Variants in MDGA2 observed in about 807,000 individuals in gnomAD.
The protein encoded by MDGA2 is MAM domain-containing glycosylphosphatidylinositol anchor protein 2.
A neutral mutation model predicts 117.8 loss-of-function variants in MDGA2; 40 were observed. That is an observed-to-expected ratio of 0.34 (90% CI 0.26 to 0.44). The LOEUF (loss-of-function observed/expected upper bound fraction) is 0.44, where lower values mean the gene tolerates loss of function less well. Among genes scored for constraint, MDGA2 ranks in the 20% least tolerant of loss-of-function variants. The probability of loss-of-function intolerance (pLI) is 1.00; values close to 1 mark genes in which losing one functional copy is unlikely to be tolerated. For synonymous variants in MDGA2, 452 were observed against 439.0 expected, an observed-to-expected ratio of 1.03 and a Z score of -0.37; for missense variants, 1,123 against 1,250.6, an observed-to-expected ratio of 0.90 and a Z score of 1.54.
Position 47,301,486 on chromosome 14 carries a change from G to A in MDGA2, c.345C>T (p.Ser115=), listed in dbSNP as rs1178767809. ...LACNIEEERY[S]ERVYTIREGE... is the part of the protein sequence containing the mutation. The stretch of plus-strand genomic sequence containing the variant: ...CTTCCCGGATAGTGTAGACCCTTTC[G>A]GAGTAGCGCTCCTCTTCAATGTTAC... The change falls in exon 2 of 17, where the codon TCC becomes TCT. Residue 115 remains serine, a synonymous_variant. Coordinates refer to ENST00000399232, the MANE Select transcript of MDGA2 (RefSeq NM_001113498.3). The A allele has an allele frequency of 1.2e-5, 19 of 1,551,566 alleles. No individual in the cohort carries two copies. Among genetic ancestry groups the A allele is most frequent in the Middle Eastern group, 1.7e-4 (1 of 6,012 alleles).
intron 3 of MDGA2, among the ~76,000 whole-genome samples, chr14:47,149,920 C>A (rs1483427146): frequency 6.6e-6 from 1 of 152,206 alleles, no homozygotes; most frequent in African/African-American, 2.4e-5. Flanking sequence ...ACTTCCCTAA[C>A]TCCTGGCTGA....
chr14:47,158,842 A>G (rs1266057800), intron 3 of MDGA2, among the ~76,000 whole-genome samples: 1 of 152,254 alleles, frequency 6.6e-6, no homozygotes, highest in Non-Finnish European at 1.5e-5. Flanking sequence ...ACATACAGAC[A>G]GTGGAATATT....
At chr14:47,517,722 C>T (rs1315629738) in intron 1 of MDGA2, among the ~76,000 whole-genome samples, 2 of 152,096 alleles carry the variant, frequency 1.3e-5, no homozygotes, top group Non-Finnish European at 2.9e-5. Context: ...AGTGAACTGA[C>T]ATTACTCAAA....
intron 10 of MDGA2, among the ~76,000 whole-genome samples, chr14:46,918,984 A>T (rs112980776): frequency 6.6e-6 from 1 of 151,750 alleles, no homozygotes; most frequent in Admixed American, 6.6e-5. Context: ...GGATGGTCTC[A>T]ATCTCCTGAC....
intron 1 of MDGA2, among the ~76,000 whole-genome samples, chr14:47,409,464 G>T (rs1173233037): frequency 6.6e-6 from 1 of 152,094 alleles, no homozygotes. Flanking sequence ...CATCACACTT[G>T]TCTGAAATCA....
rs529649731 is a variant in MDGA2, at chr14:47,237,595, C to T, written c.421-19400G>A. Among the ~76,000 whole-genome samples the T allele has an allele frequency of 1.5e-3, 221 of 152,200 alleles. 1 individual carries two copies. The highest frequency in any genetic ancestry group is 5.1e-3 in the African/African-American group (213 of 41,514). ...TATTAGAAATAAAATAATTGTTATA[C>T]GAATATATCTGTTCGTAGTGGATGT... On this transcript the variant is annotated intron_variant, in intron 2 of 16. Transcript: ENST00000399232.
At chr14:47,251,969 C>T (rs1887462726) in intron 2 of MDGA2, among the ~76,000 whole-genome samples, 1 of 148,948 alleles carries the variant, frequency 6.7e-6, no homozygotes, top group African/African-American at 2.5e-5. Flanking sequence ...TGGTGGTTTG[C>T]AGGAAAGGTG....
chr14:47,327,935 G>T (rs957478779), intron 1 of MDGA2, among the ~76,000 whole-genome samples: 2 of 152,170 alleles, frequency 1.3e-5, no homozygotes, highest in Non-Finnish European at 2.9e-5. Flanking sequence ...ATCTAAAAGT[G>T]TCTCACTCTC....
chr14:47,041,417 T>C (rs962677532), intron 7 of MDGA2, among the ~76,000 whole-genome samples: 1 of 152,118 alleles, frequency 6.6e-6, no homozygotes, highest in African/African-American at 2.4e-5. Context: ...CTATACCATG[T>C]AAGATCCCCA....
chr14:47,248,019 G>A (rs1233853524), intron 2 of MDGA2, among the ~76,000 whole-genome samples: 5 of 151,250 alleles, frequency 3.3e-5, no homozygotes, highest in African/African-American at 7.3e-5. Context: ...GTATATATGT[G>A]CCACATTTTC....
At chr14:47,665,722 C>CTGCTGGCCCAT (rs1303473860) in intron 1 of MDGA2, among the ~76,000 whole-genome samples, 173 of 152,234 alleles carry the variant, frequency 1.1e-3, no homozygotes, top group Middle Eastern at 3.4e-3. Flanking sequence ...TGCTGGCCCA[C>CTGCTGGCCCAT]CAGCACTGCA....
chr14:47,526,906 C>T (rs184842257), intron 1 of MDGA2, among the ~76,000 whole-genome samples: 2 of 152,248 alleles, frequency 1.3e-5, no homozygotes, highest in Admixed American at 1.3e-4. Context: ...CTCTCCTCTC[C>T]AGAATGTTGT....
At chr14:46,963,404 G>C (rs7161602) in intron 8 of MDGA2, among the ~76,000 whole-genome samples, 1 of 151,328 alleles carries the variant, frequency 6.6e-6, no homozygotes, top group African/African-American at 2.5e-5. Context: ...TTTCCTGTTC[G>C]AAAAACTTTA....
In MDGA2 at chr14:47,662,226, A is replaced by G. The variant is rs537579453; in HGVS notation, c.280+12291T>C. Reference sequence around the variant, plus strand: ...AGTTTCTTGGGATTAGCCTAAATAAAGTTTAGCTACTATTCCATGCATTTT... The same window carrying G: ...AGTTTCTTGGGATTAGCCTAAATAAGGTTTAGCTACTATTCCATGCATTTT... On this transcript the variant is annotated intron_variant, in intron 1 of 16. Coordinates refer to ENST00000399232, the MANE Select transcript of MDGA2 (RefSeq NM_001113498.3). 2.0e-5 allele frequency among the ~76,000 whole-genome samples: 3 copies of G among 152,292 alleles called. No individual in the cohort carries two copies. The South Asian group carries it at 6.2e-4, about 32-fold the overall frequency.
At chr14:46,864,603 CAAAA>C (rs61055938) in intron 14 of MDGA2, among the ~76,000 whole-genome samples, 190 of 73,402 alleles carry the variant, frequency 2.6e-3, no homozygotes, top group African/African-American at 8.3e-3. Flanking sequence ...AACCCTGTGT[CAAAA>C]AAAAAAAAAA....
chr14:47,273,745 A>G (rs765822550), intron 2 of MDGA2, among the ~76,000 whole-genome samples: 20 of 152,176 alleles, frequency 1.3e-4, no homozygotes, highest in Non-Finnish European at 2.6e-4. Context: ...AAATAATTTC[A>G]AAAGCCTGTT....
intron 2 of MDGA2, among the ~76,000 whole-genome samples, chr14:47,231,107 T>C (rs938994841): frequency 3.9e-5 from 6 of 152,056 alleles, no homozygotes; most frequent in Non-Finnish European, 5.9e-5. Context: ...TGCAGATGAC[T>C]AAATTGAGAT....
At chr14:47,031,724 C>T (rs1888672481) in intron 8 of MDGA2, among the ~76,000 whole-genome samples, 1 of 152,096 alleles carries the variant, frequency 6.6e-6, no homozygotes, top group South Asian at 2.1e-4. Context: ...CACCATTCCC[C>T]CTTGGCACTG....
chr14:47,064,822 T>C (rs912258020), intron 6 of MDGA2, among the ~76,000 whole-genome samples: 2 of 152,142 alleles, frequency 1.3e-5, no homozygotes, highest in Non-Finnish European at 1.5e-5. Flanking sequence ...GAACAATTTA[T>C]AGTAGCTCAT....
Sources: allele counts gnomAD v4.1 joint callset (sites outside exome capture counted in the v4.1 genomes callset), GRCh38; gene constraint gnomAD v4.1.1; transcripts MANE v1.5; gene names NCBI Gene and HGNC (gene_info 2026-07-23, HGNC 2026-07-21).